Variants in CLPTM1L observed in about 807,000 individuals in gnomAD.
CLPTM1L encodes the protein CLPTM1 like.
A neutral mutation model predicts 70.9 loss-of-function variants in CLPTM1L; 38 were observed. That is an observed-to-expected ratio of 0.54 (90% CI 0.41 to 0.70). The LOEUF is 0.70. Ranked by LOEUF, CLPTM1L falls within the 30% of genes least tolerant of loss-of-function variation. CLPTM1L has a pLI of 0.00. For missense variants in CLPTM1L, 652 were observed against 705.9 expected (o/e 0.92, Z 0.87); for synonymous variants, 339 against 299.9 (o/e 1.13, Z -1.35).
intron 3 of CLPTM1L, among the ~76,000 whole-genome samples, chr5:1,341,419 C>T (rs909116186): frequency 1.3e-5 from 2 of 152,208 alleles, no homozygotes; most frequent in Non-Finnish European, 2.9e-5. Flanking sequence ...GCCCATTCCC[C>T]GAGGGACTCT....
rs402710 is a variant in CLPTM1L, at chr5:1,320,607, C to T, written c.1532+9G>A. 0.34 allele frequency: 511,672 copies of T among 1,495,778 alleles called. 90,073 individuals carry two copies. Among genetic ancestry groups the T allele is most frequent in the African/African-American group, 0.47 (33,970 of 71,518 alleles). The allele number at this position is 1,495,778 out of a possible 1,614,324, so 92.7% of individuals were successfully genotyped here. A position where few individuals can be genotyped will look rare whatever the true frequency, so the allele number is the denominator to read the frequency against. ...GGAGCAACGGCCGAGCATACGCAGC[C>T]GCACTCACCACCGCTGGTACAGGTA... On this transcript the variant is annotated intron_variant, in intron 16 of 16. Transcript: ENST00000320895.
chr5:1,338,777 C>A, intron 4 of CLPTM1L, 83 bp downstream of exon 4: 1 of 1,548,040 alleles, frequency 6.5e-7, no homozygotes, highest in Non-Finnish European at 8.9e-7. Flanking sequence ...CTCCACGGTG[C>A]AGGAGTGACC....
At position 1,344,789 on chromosome 5, in the gene CLPTM1L, A is replaced by C. The variant is rs1359788849; in HGVS notation, c.53T>G (p.Val18Gly). The C allele has an allele frequency of 2.2e-5, 35 of 1,604,458 alleles. No homozygotes were observed. Among genetic ancestry groups the C allele is most frequent in the Non-Finnish European group, 2.9e-5 (34 of 1,176,558 alleles). ...GACCCAGCAGGTGTGCACCACGTAG[A>C]CCACGAACACGCCCACCACCAAGCT... is the stretch of plus-strand genomic sequence containing the variant. ...FTSLVVGVFVVYVVHTCWVMY... is the reference protein window; with the variant it reads ...FTSLVVGVFVGYVVHTCWVMY... The change falls in exon 1 of 17, where the codon GTC becomes GGC. Residue 18 changes from valine (V) to glycine (G), a missense_variant. Transcript: ENST00000320895.
chr5:1,324,579 C>A (rs752079036), intron 11 of CLPTM1L, among the ~76,000 whole-genome samples, 184 bp downstream of exon 11: 3 of 152,230 alleles, frequency 2.0e-5, no homozygotes, highest in Non-Finnish European at 4.4e-5. Context: ...TGAGTCTCTG[C>A]GAGCCCCCGC....
At position 1,318,081 on chromosome 5, in the gene CLPTM1L, CG is replaced by C; in HGVS notation, c.*287del. The C allele has an allele frequency of 2.3e-6, 1 of 430,540 alleles. No individual in the cohort carries two copies. Among genetic ancestry groups the C allele is most frequent in the Non-Finnish European group, 4.1e-6 (1 of 243,300 alleles). 26.7% of individuals were successfully genotyped at this position (430,540 alleles called of 1,614,324 possible). A position where few individuals can be genotyped will look rare whatever the true frequency, so the allele number is the denominator to read the frequency against. On this transcript the variant is annotated 3_prime_UTR_variant, in exon 17 of 17. Coordinates refer to ENST00000320895, the MANE Select transcript of CLPTM1L (RefSeq NM_030782.5). This position sits in a 1 kb window ranked among gnomAD's most constrained non-coding sequence, Gnocchi z 8.9. ...CTGTGAGGGCTCCCACCCCTGCCCGCGTGAGGACATGGCCGAACCCCGGACA... is the reference window on the plus strand; with the variant it reads ...CTGTGAGGGCTCCCACCCCTGCCCGCTGAGGACATGGCCGAACCCCGGACA...
chr5:1,333,509 C>G (rs1315114385), intron 7 of CLPTM1L, among the ~76,000 whole-genome samples: 16 of 143,532 alleles, frequency 1.1e-4, no homozygotes, highest in African/African-American at 4.2e-4. Flanking sequence ...TAAGGGGGGA[C>G]TACTGTATAC....
At chr5:1,333,634 G>C (rs1470917127) in intron 7 of CLPTM1L, among the ~76,000 whole-genome samples, 4 of 119,496 alleles carry the variant, frequency 3.3e-5, no homozygotes, top group African/African-American at 1.4e-4. Context: ...ACCAGATGAG[G>C]ATAAGGGGGA....
At chr5:1,334,237 G>C in intron 7 of CLPTM1L, 52 bp downstream of exon 7, 2 of 1,398,002 alleles carry the variant, frequency 1.4e-6, no homozygotes, top group Non-Finnish European at 2.0e-6. Flanking sequence ...GAGGCCCGGG[G>C]CCCAGGGAGC....
chr5:1,331,969 G>C, intron 7 of CLPTM1L, 86 bp from the exon 8 acceptor site: 1 of 1,090,566 alleles, frequency 9.2e-7, no homozygotes, highest in South Asian at 1.3e-5. Context: ...GTGTGTGACC[G>C]TGAGACTGCA....
At chr5:1,334,646 G>C (rs757425245) in intron 6 of CLPTM1L, among the ~76,000 whole-genome samples, 2 of 151,932 alleles carry the variant, frequency 1.3e-5, no homozygotes, top group African/African-American at 4.8e-5. Flanking sequence ...CCTAGCTACT[G>C]GGGGGACTGA....
At chr5:1,328,673 A>AGG (rs1752823235) in intron 9 of CLPTM1L, among the ~76,000 whole-genome samples, 1 of 149,962 alleles carries the variant, frequency 6.7e-6, no homozygotes, top group African/African-American at 2.5e-5. Context: ...CCTTGTCTAC[A>AGG]GACACATTTC....
rs748109704 is a variant in CLPTM1L at position 1,318,730 on chromosome 5, G to T, written c.1533-277C>A. ...GCTGCACGGGCTGCCATGGCTGAAG[G>T]GGGGACCCGGAGGCTGCACGGGCTG... On this transcript the variant is annotated intron_variant, in intron 16 of 16. Coordinates refer to ENST00000320895, the MANE Select transcript of CLPTM1L (RefSeq NM_030782.5). This position sits in a 1 kb window ranked among gnomAD's most constrained non-coding sequence, Gnocchi z 8.9. Among the ~76,000 whole-genome samples, 3 of 152,158 alleles carry T rather than the reference G, an allele frequency of 2.0e-5. No homozygotes were observed. Among genetic ancestry groups the T allele is most frequent in the South Asian group, 4.1e-4 (2 of 4,830 alleles).
intron 5 of CLPTM1L, among the ~76,000 whole-genome samples, chr5:1,335,826 A>T (rs917869442): frequency 6.6e-6 from 1 of 152,210 alleles, no homozygotes; most frequent in African/African-American, 2.4e-5. Context: ...CGGGTTCACA[A>T]GCGCGAGCCC....
At chr5:1,321,013 G>A (rs1407857924) in intron 15 of CLPTM1L, among the ~76,000 whole-genome samples, 6 of 152,200 alleles carry the variant, frequency 3.9e-5, no homozygotes, top group Non-Finnish European at 1.5e-5. Flanking sequence ...AGCCAAGGCT[G>A]GAGCCGCCCG....
At chr5:1,338,121 A>G (rs1435611667) in intron 4 of CLPTM1L, 139 bp from the exon 5 acceptor site, 1 of 698,576 alleles carries the variant, frequency 1.4e-6, no homozygotes, top group Non-Finnish European at 2.6e-6. Context: ...CAATGACCCC[A>G]GGGCACAGCC....
chr5:1,321,933 G>A, intron 13 of CLPTM1L, 114 bp from the exon 14 acceptor site: 1 of 928,170 alleles, frequency 1.1e-6, no homozygotes, highest in Non-Finnish European at 1.7e-6. Flanking sequence ...TGCATAGTGG[G>A]CAGAAAACAA....
intron 4 of CLPTM1L, 48 bp from the exon 5 acceptor site, chr5:1,338,030 T>C: frequency 6.9e-7 from 1 of 1,449,264 alleles, no homozygotes; most frequent in Non-Finnish European, 9.6e-7. Flanking sequence ...GGCTTTTACC[T>C]TTCAATGAAT....
chr5:1,338,854 A>G lies in CLPTM1L; in HGVS notation c.599+6T>C. ...CCCGGCGCTCCAGCTCTGGGGCCCC[A>G]CTTACATCTTCATGTACCGATGCAC... On this transcript the variant is annotated splice_donor_region_variant and intron_variant, in intron 4 of 16. Coordinates refer to ENST00000320895, the MANE Select transcript of CLPTM1L (RefSeq NM_030782.5). The G allele has an allele frequency of 6.2e-7, 1 of 1,613,066 alleles. No homozygotes were observed. The highest frequency in any genetic ancestry group is 8.5e-7 in the Non-Finnish European group (1 of 1,179,962).
chr5:1,325,885 G>A, intron 9 of CLPTM1L, 69 bp from the exon 10 acceptor site: 5 of 1,356,224 alleles, frequency 3.7e-6, no homozygotes, highest in Non-Finnish European at 5.3e-6. Flanking sequence ...GAACGACCCA[G>A]ACAGTAACGG....
Sources: gnomAD v4.1 joint callset for allele counts (sites outside exome capture counted in the v4.1 genomes callset) on GRCh38, gnomAD v4.1.1 for gene constraint, Gnocchi (gnomAD v3.1) non-coding constraint, MANE v1.5 for transcripts, NCBI Gene and HGNC (gene_info 2026-07-23, HGNC 2026-07-21) for gene names.